The following CSNK1D variants were observed in gnomAD, a reference collection of about 807,000 sequenced individuals.
CSNK1D encodes the protein casein kinase 1 delta, also known as casein kinase I isoform delta.
CSNK1D carries 16 observed loss-of-function variants against 46.6 expected under a neutral mutation model. The observed-to-expected ratio is 0.34, with a 90% CI of 0.23 to 0.52. The LOEUF (loss-of-function observed/expected upper bound fraction) is 0.52, where lower values mean the gene tolerates loss of function less well. CSNK1D is among the 20% of genes least tolerant of loss of function. The pLI is 0.95. For synonymous variants in CSNK1D, 276 were observed against 228.2 expected (o/e 1.21, Z -1.89); for missense variants, 398 against 578.4 (o/e 0.69, Z 3.20).
At chr17:82,259,688 C>T (rs112531081) in intron 2 of CSNK1D, among the ~76,000 whole-genome samples, 4 of 152,186 alleles carry the variant, frequency 2.6e-5, no homozygotes, top group East Asian at 1.9e-4. Context: ...CAGGGCTCAA[C>T]GCAGTATGAG....
intron 1 of CSNK1D, among the ~76,000 whole-genome samples, chr17:82,272,751 G>A (rs907523800): frequency 4.6e-5 from 7 of 152,156 alleles, no homozygotes; most frequent in African/African-American, 7.2e-5. Flanking sequence ...GCAAGACACC[G>A]GGGCAGCCTC....
At chr17:82,263,195 A>C (rs1486745761) in intron 2 of CSNK1D, among the ~76,000 whole-genome samples, 1 of 152,162 alleles carries the variant, frequency 6.6e-6, no homozygotes, top group Non-Finnish European at 1.5e-5. Flanking sequence ...AAAAACAAAA[A>C]ACAAAAAACA....
chr17:82,247,621 G>C, intron 8 of CSNK1D: 1 of 985,438 alleles, frequency 1.0e-6, no homozygotes, highest in African/African-American at 1.7e-5. Flanking sequence ...GACCCTCCCG[G>C]GAACTGCTCA....
chr17:82,255,454 G>C lies in CSNK1D; in HGVS notation c.311C>G (p.Thr104Ser). 1 of 1,614,176 alleles carries C rather than the reference G, an allele frequency of 6.2e-7. No homozygotes were observed. The highest frequency in any genetic ancestry group is 1.1e-5 in the South Asian group (1 of 91,088). The change falls in exon 3 of 9, where the codon ACC (threonine) becomes AGC (serine). Residue 104 changes from threonine (T) to serine (S), a missense_variant. Thr to Ser is a moderately conservative substitution (Grantham distance 58). This residue lies in a region of CSNK1D where 217 missense variants were observed against 370.3 expected (regional missense o/e 0.59). Coordinates refer to ENST00000314028, the MANE Select transcript of CSNK1D (RefSeq NM_001893.6). The surrounding 1 kb of genome is among the most constrained non-coding windows in gnomAD (Gnocchi z 5.9). Reference protein sequence around the residue: ...NFCSRKFSLKTVLLLADQMIS... With the variant: ...NFCSRKFSLKSVLLLADQMIS... ...CATTTGGTCAGCAAGCAGCAGGACG[G>C]TTTTGAGGCTGAATTTCCTGGAGCA...
Position 82,251,407 on chromosome 17 carries a change from T to C in CSNK1D, c.857A>G (p.Tyr286Cys), listed in dbSNP as rs1347743440. The change falls in exon 6 of 9, where the codon TAC becomes TGC. Residue 286 changes from tyrosine (Y) to cysteine (C), a missense_variant. Tyr to Cys is a radical substitution (Grantham distance 194). Around this residue, in one of 2 missense-constraint regions of CSNK1D, gnomAD observed 181 missense variants for 208.0 expected, o/e 0.87. Coordinates refer to ENST00000314028, the MANE Select transcript of CSNK1D (RefSeq NM_001893.6). This position sits in a 1 kb window ranked among gnomAD's most constrained non-coding sequence, Gnocchi z 4.5. The part of the protein sequence containing the change: ...LFHRQGFSYD[Y>C]VFDWNMLKFG... ...TTTGAGCATGTTCCAGTCGAACACG[T>C]AGTCATAGGAGAAGCCCTGGCGATG... 1 of 1,614,008 alleles carries C rather than the reference T, an allele frequency of 6.2e-7. No individual in the cohort carries two copies. Among genetic ancestry groups the C allele is most frequent in the Admixed American group, 1.7e-5 (1 of 60,016 alleles).
intron 1 of CSNK1D, among the ~76,000 whole-genome samples, chr17:82,271,313 G>A (rs996971674): frequency 2.0e-5 from 3 of 152,070 alleles, no homozygotes; most frequent in African/African-American, 4.8e-5. Flanking sequence ...CAAGCGACCC[G>A]CCCACCTCAG....
Position 82,273,346 on chromosome 17 carries a change from G to C in CSNK1D, c.36C>G (p.Gly12=). 6.2e-7 allele frequency: 1 copy of C among 1,610,154 alleles called. No individual in the cohort carries two copies. The highest frequency in any genetic ancestry group is 8.5e-7 in the Non-Finnish European group (1 of 1,179,252). The change falls in exon 1 of 9, where the codon GGC becomes GGG. Residue 12 remains glycine, a synonymous_variant. Transcript: ENST00000314028. This position sits in a 1 kb window ranked among gnomAD's most constrained non-coding sequence, Gnocchi z 5.1. ...CGAAGGAGCCGCTGCCGATCTTCCG[G>C]CCCAGCCGGTACCTGTTCCCGACTC... ...ELRVGNRYRL[G]RKIGSGSFGD... is the part of the protein sequence containing the mutation.
intron 2 of CSNK1D, among the ~76,000 whole-genome samples, chr17:82,263,246 T>C (rs1408079008): frequency 6.6e-6 from 1 of 152,238 alleles, no homozygotes; most frequent in Non-Finnish European, 1.5e-5. Flanking sequence ...ACCAGGTGTC[T>C]GTGCATTTAA....
At chr17:82,253,548 C>G (rs2051069830) in intron 3 of CSNK1D, 2 of 409,588 alleles carry the variant, frequency 4.9e-6, no homozygotes, top group Admixed American at 7.0e-5. Flanking sequence ...CAGCACTGTT[C>G]TCTGCACAGA....
chr17:82,253,503 G>C (rs1485886590), intron 3 of CSNK1D: 2 of 489,746 alleles, frequency 4.1e-6, no homozygotes, highest in African/African-American at 3.9e-5. Context: ...AGGCGACAGA[G>C]AGGGGACAAC....
intron 1 of CSNK1D, among the ~76,000 whole-genome samples, chr17:82,271,350 G>A (rs534014841): frequency 2.0e-5 from 3 of 152,296 alleles, no homozygotes; most frequent in South Asian, 2.1e-4. Flanking sequence ...GATTACAGGC[G>A]TGAGCCACCA....
In CSNK1D at chr17:82,252,516, A is replaced by C. The variant is rs1171610534; in HGVS notation, c.654T>G (p.Ala218=). ...LGSLPWQGLK[A]ATKRQKYERI... is the part of the protein sequence containing the mutation. Reference sequence around the variant, plus strand: ...TTTCGTATTTCTGTCTCTTGGTGGCAGCCTTCAGCCCCTGCCAGGGGAGAG... The same window carrying C: ...TTTCGTATTTCTGTCTCTTGGTGGCCGCCTTCAGCCCCTGCCAGGGGAGAG... Residue 218 remains alanine, a synonymous_variant, in exon 5 of 9, where the codon GCT becomes GCG. Coordinates refer to ENST00000314028, the MANE Select transcript of CSNK1D (RefSeq NM_001893.6). The surrounding 1 kb of genome is among the most constrained non-coding windows in gnomAD (Gnocchi z 4.6). 6.2e-7 allele frequency: 1 copy of C among 1,614,104 alleles called. No homozygotes were observed. The highest frequency in any genetic ancestry group is 1.1e-5 in the South Asian group (1 of 91,080).
intron 8 of CSNK1D, chr17:82,246,276 T>C (rs2050848207): frequency 7.0e-7 from 1 of 1,433,902 alleles, no homozygotes; most frequent in Non-Finnish European, 9.2e-7. Flanking sequence ...AACAATGGCA[T>C]GGGACAGGCC....
chr17:82,271,999 T>C (rs921319620), intron 1 of CSNK1D: 5 of 152,374 alleles, frequency 3.3e-5, no homozygotes, highest in African/African-American at 9.6e-5. Context: ...TCAGGGGATC[T>C]TGGAATAACT....
At chr17:82,246,033 T>C in intron 8 of CSNK1D, 3 of 1,609,638 alleles carry the variant, frequency 1.9e-6, no homozygotes, top group Non-Finnish European at 2.5e-6. Flanking sequence ...TCGAAAGGAA[T>C]GCTATTCTGA....
intron 8 of CSNK1D, chr17:82,245,834 G>A (rs1432090560): frequency 6.9e-6 from 6 of 864,962 alleles, no homozygotes; most frequent in Non-Finnish European, 1.1e-5. Context: ...CACCCCACAA[G>A]AAGAACAGAG....
chr17:82,239,640 T>G, downstream of CSNK1D: 1 of 277,024 alleles, frequency 3.6e-6, no homozygotes, highest in Non-Finnish European at 6.7e-6. Flanking sequence ...TGGAGGGGGC[T>G]GCGGGGCAGG....
intron 1 of CSNK1D, among the ~76,000 whole-genome samples, chr17:82,267,392 C>T (rs917956279): frequency 1.1e-4 from 17 of 152,186 alleles, no homozygotes; most frequent in Admixed American, 5.9e-4. Context: ...GATATCCACA[C>T]GTCCACTGAA....
chr17:82,256,577 TTACGTATGAA>T (rs2051180824), intron 2 of CSNK1D, among the ~76,000 whole-genome samples: 1 of 151,456 alleles, frequency 6.6e-6, no homozygotes, highest in South Asian at 2.1e-4. Flanking sequence ...ACCCAAGACG[TTACGTATGAA>T]AAGTCAACGA....
Sources: gnomAD v4.1 joint callset for allele counts (sites outside exome capture counted in the v4.1 genomes callset) on GRCh38, gnomAD v4.1.1 for gene constraint, gnomAD v4.1.1 regional missense constraint, Gnocchi (gnomAD v3.1) non-coding constraint, MANE v1.5 for transcripts, NCBI Gene and HGNC (gene_info 2026-07-23, HGNC 2026-07-21) for gene names.